TPST1: variants seen among roughly 807,000 people sequenced by gnomAD.
TPST1 encodes the protein protein-tyrosine sulfotransferase 1.
In TPST1, 20 loss-of-function variants were observed where a neutral mutation model predicts 34.8. The observed-to-expected ratio is 0.57, with a 90% CI of 0.40 to 0.84. The LOEUF (loss-of-function observed/expected upper bound fraction) is 0.84. Ranked by LOEUF, TPST1 falls within the 40% of genes least tolerant of loss-of-function variation. The pLI is 0.00. For synonymous variants in TPST1, 152 were observed against 159.4 expected (o/e 0.95, Z 0.35); for missense variants, 353 against 455.5 (o/e 0.78, Z 2.05).
chr7:66,319,310 C>A (rs1460532855), intron 3 of TPST1, among the ~76,000 whole-genome samples: 1 of 152,102 alleles, frequency 6.6e-6, no homozygotes, highest in Non-Finnish European at 1.5e-5. Context: ...TTGTCTGATT[C>A]ACTCATTCTT....
chr7:66,240,772 G>C lies in TPST1; in HGVS notation c.347G>C (p.Arg116Pro). 6.2e-7 allele frequency: 1 copy of C among 1,614,156 alleles called. No individual in the cohort carries two copies. Among genetic ancestry groups the C allele is most frequent in the Non-Finnish European group, 8.5e-7 (1 of 1,180,026 alleles). Residue 116 changes from arginine to proline, a missense_variant, in exon 2 of 6, where the codon CGG becomes CCG. Transcript: ENST00000304842. The part of the protein sequence containing the change: ...RILALKQMWS[R>P]SSKEKIRLDE... ...CTGGCCCTGAAGCAGATGTGGTCAC[G>C]GTCAAGTAAAGAGAAGATCCGCCTG...
chr7:66,231,488 G>A (rs1789791478), intron 1 of TPST1, among the ~76,000 whole-genome samples: 1 of 152,228 alleles, frequency 6.6e-6, no homozygotes, highest in Non-Finnish European at 1.5e-5. Context: ...CGGGCTGCAG[G>A]TCCTGAGCCC....
chr7:66,270,856 A>C (rs1790690519), intron 2 of TPST1, among the ~76,000 whole-genome samples: 1 of 152,180 alleles, frequency 6.6e-6, no homozygotes, highest in Admixed American at 6.5e-5. Context: ...TTTAGCAGCC[A>C]TTGATCCTCA....
chr7:66,258,759 G>A (rs941356666), intron 2 of TPST1, among the ~76,000 whole-genome samples: 3 of 152,130 alleles, frequency 2.0e-5, no homozygotes, highest in Admixed American at 6.5e-5. Flanking sequence ...TGATTCTTAC[G>A]CTCCTTAGAC....
At chr7:66,266,976 C>T (rs1365402794) in intron 2 of TPST1, among the ~76,000 whole-genome samples, 1 of 152,022 alleles carries the variant, frequency 6.6e-6, no homozygotes, top group Non-Finnish European at 1.5e-5. Context: ...TTTTGAGTTA[C>T]ACACTTCAGA....
At chr7:66,319,477 C>T (rs944432157) in intron 3 of TPST1, among the ~76,000 whole-genome samples, 5 of 152,176 alleles carry the variant, frequency 3.3e-5, no homozygotes, top group South Asian at 2.1e-4. Context: ...AGCAGTTGAA[C>T]TCCTAGGTCT....
chr7:66,284,440 T>C (rs1790991364), intron 2 of TPST1, among the ~76,000 whole-genome samples: 1 of 145,380 alleles, frequency 6.9e-6, no homozygotes, highest in Non-Finnish European at 1.6e-5. Context: ...TCATACTGTC[T>C]ATATTATTGA....
intron 2 of TPST1, among the ~76,000 whole-genome samples, chr7:66,251,356 A>T (rs1047387989): frequency 1.3e-5 from 2 of 152,222 alleles, no homozygotes; most frequent in Non-Finnish European, 2.9e-5. Flanking sequence ...CCTGGCACAT[A>T]GAAATTGTTC....
intron 3 of TPST1, among the ~76,000 whole-genome samples, chr7:66,335,329 G>C (rs1792074907): frequency 6.6e-6 from 1 of 151,904 alleles, no homozygotes; most frequent in South Asian, 2.1e-4. Context: ...GGTGGTACGT[G>C]CCTGTAATCC....
intron 2 of TPST1, among the ~76,000 whole-genome samples, chr7:66,272,570 C>T (rs1790724786): frequency 6.6e-6 from 1 of 151,098 alleles, no homozygotes; most frequent in Non-Finnish European, 1.5e-5. Context: ...GACAGAATAC[C>T]CACTCTCACC....
At chr7:66,209,051 G>C (rs1465651426) in intron 1 of TPST1, among the ~76,000 whole-genome samples, 1 of 152,036 alleles carries the variant, frequency 6.6e-6, no homozygotes, top group African/African-American at 2.4e-5. Context: ...GGGAGACTGA[G>C]GCAGACGGAT....
At chr7:66,338,553 T>C (rs1043098807) in intron 3 of TPST1, among the ~76,000 whole-genome samples, 3 of 152,192 alleles carry the variant, frequency 2.0e-5, no homozygotes, top group African/African-American at 7.2e-5. Flanking sequence ...CATGGAATAT[T>C]CTCCAGGATT....
chr7:66,323,963 A>G (rs1791809884), intron 3 of TPST1, among the ~76,000 whole-genome samples: 1 of 152,242 alleles, frequency 6.6e-6, no homozygotes, highest in Non-Finnish European at 1.5e-5. Flanking sequence ...AGCACTATTC[A>G]CAACAGTCAG....
Position 66,215,128 on chromosome 7 carries a change from C to T in TPST1, c.-102+9606C>T, listed in dbSNP as rs576849630. ...GGAGTGCAGTGGCGCGATCTTGGCT[C>T]ACTGCAACCTCCGCCTCCCGGGTTC... is the stretch of plus-strand genomic sequence containing the variant. On this transcript the variant is annotated intron_variant, in intron 1 of 5. Coordinates refer to ENST00000304842, the MANE Select transcript of TPST1 (RefSeq NM_003596.4). Among the ~76,000 whole-genome samples the T allele has an allele frequency of 8.4e-4, 125 of 148,878 alleles. 1 individual carries two copies. The South Asian group carries it at 0.012, about 15-fold the overall frequency.
chr7:66,220,155 G>T (rs938825611), intron 1 of TPST1, among the ~76,000 whole-genome samples: 1 of 152,122 alleles, frequency 6.6e-6, no homozygotes, highest in Admixed American at 6.6e-5. Flanking sequence ...TCCTAGGAAA[G>T]CATTAGCTGT....
At chr7:66,251,479 C>T (rs1427884737) in intron 2 of TPST1, among the ~76,000 whole-genome samples, 1 of 152,160 alleles carries the variant, frequency 6.6e-6, no homozygotes, top group East Asian at 1.9e-4. Context: ...GTAGCAAGTG[C>T]ACCACAGGCT....
chr7:66,256,481 T>C (rs1175423322), intron 2 of TPST1, among the ~76,000 whole-genome samples: 2 of 152,180 alleles, frequency 1.3e-5, no homozygotes, highest in South Asian at 4.1e-4. Flanking sequence ...TCCTAGTTCA[T>C]GTGGTATTTG....
intron 2 of TPST1, among the ~76,000 whole-genome samples, chr7:66,280,622 A>G (rs759189278): frequency 2.0e-5 from 3 of 152,076 alleles, no homozygotes; most frequent in Non-Finnish European, 2.9e-5. Flanking sequence ...TTACTACTCT[A>G]TCTAGGACTT....
chr7:66,328,703 C>T (rs1473090762), intron 3 of TPST1, among the ~76,000 whole-genome samples: 1 of 150,862 alleles, frequency 6.6e-6, no homozygotes, highest in Non-Finnish European at 1.5e-5. Flanking sequence ...TGCCACAACG[C>T]CTGGCTAATT....
Sources: gnomAD v4.1 joint callset for allele counts (sites outside exome capture counted in the v4.1 genomes callset) on GRCh38, gnomAD v4.1.1 for gene constraint, MANE v1.5 for transcripts, NCBI Gene and HGNC (gene_info 2026-07-23, HGNC 2026-07-21) for gene names.